The following UPF2 variants were observed in gnomAD, a reference collection of about 807,000 sequenced individuals.
UPF2 encodes the protein UPF2 regulator of nonsense mediated mRNA decay.
UPF2 carries 17 observed loss-of-function variants against 141.4 expected under a neutral mutation model. The observed-to-expected ratio is 0.12, with a 90% CI of 0.08 to 0.18. The LOEUF (loss-of-function observed/expected upper bound fraction) is 0.18. Ranked by LOEUF, UPF2 falls within the 10% of genes least tolerant of loss-of-function variation. UPF2 has a pLI of 1.00. For missense variants in UPF2, 1,152 were observed against 1,515.9 expected, an observed-to-expected ratio of 0.76 and a Z score of 3.99; for synonymous variants, 540 against 498.0, an observed-to-expected ratio of 1.08 and a Z score of -1.12.
At position 11,992,912 on chromosome 10, in the gene UPF2, G is replaced by C. The variant is rs907537788; in HGVS notation, c.1844+4760C>G. ...ACTTGTAATCCCAGCACTTTGGGAG[G>C]CCAAGGCGAGTGAATCACTTGCGGT... On this transcript the variant is annotated intron_variant, in intron 8 of 21. Coordinates refer to ENST00000357604, the MANE Select transcript of UPF2 (RefSeq NM_015542.4). The surrounding 1 kb of genome is among the most constrained non-coding windows in gnomAD (Gnocchi z 4.1). Among the ~76,000 whole-genome samples, 3 of 152,148 alleles carry C rather than the reference G, an allele frequency of 2.0e-5. No homozygotes were observed. Among genetic ancestry groups the C allele is most frequent in the African/African-American group, 7.2e-5 (3 of 41,440 alleles).
intron 6 of UPF2, among the ~76,000 whole-genome samples, chr10:12,000,916 A>C (rs1833940930): frequency 1.3e-5 from 2 of 152,232 alleles, no homozygotes; most frequent in African/African-American, 4.8e-5. Context: ...ACTCAATTAT[A>C]AAGACAGACA....
In UPF2 at chr10:11,921,093, C is replaced by T. The variant is rs765795120; in HGVS notation, c.*205G>A. The T allele has an allele frequency of 5.1e-6, 4 of 789,102 alleles. No homozygotes were observed. Among genetic ancestry groups the T allele is most frequent in the East Asian group, 2.5e-5 (1 of 40,660 alleles). 48.9% of individuals were successfully genotyped at this position (789,102 alleles called of 1,614,324 possible). On this transcript the variant is annotated 3_prime_UTR_variant, in exon 22 of 22. Coordinates refer to ENST00000357604, the MANE Select transcript of UPF2 (RefSeq NM_015542.4). This position sits in a 1 kb window ranked among gnomAD's most constrained non-coding sequence, Gnocchi z 5.9. ...GATTTCCATTACAAAAGGCCTTTTC[C>T]GCCTTGTCTGGAAGCGTCGGCTTGT...
At chr10:12,041,258 T>C (rs1035404903) in intron 1 of UPF2, among the ~76,000 whole-genome samples, 4 of 152,218 alleles carry the variant, frequency 2.6e-5, no homozygotes, top group African/African-American at 9.6e-5. Flanking sequence ...AAATAGGTCC[T>C]TTCTCAAGAT....
chr10:11,949,155 C>A (rs1157135681), intron 15 of UPF2, among the ~76,000 whole-genome samples: 1 of 152,178 alleles, frequency 6.6e-6, no homozygotes, highest in Non-Finnish European at 1.5e-5. Context: ...CCAGTCAATT[C>A]TTCTTCCTGT....
At chr10:11,950,260 G>A (rs934036724) in intron 15 of UPF2, among the ~76,000 whole-genome samples, 2 of 151,890 alleles carry the variant, frequency 1.3e-5, no homozygotes, top group African/African-American at 4.8e-5. Context: ...GTTAACATTG[G>A]GATACTATAA....
intron 4 of UPF2, among the ~76,000 whole-genome samples, chr10:12,006,321 T>C (rs1834034560): frequency 6.6e-6 from 1 of 152,248 alleles, no homozygotes; most frequent in Non-Finnish European, 1.5e-5. Flanking sequence ...CTATAGATCA[T>C]AAACTCAGAA....
chr10:11,941,844 T>C (rs1832940254), intron 18 of UPF2, among the ~76,000 whole-genome samples: 1 of 152,232 alleles, frequency 6.6e-6, no homozygotes, highest in South Asian at 2.1e-4. Context: ...TTACTTGAAA[T>C]TACTGTGGCA....
At chr10:11,967,544 CAG>C in intron 9 of UPF2, 90 bp from the exon 10 acceptor site, 4 of 464,664 alleles carry the variant, frequency 8.6e-6, no homozygotes, top group Non-Finnish European at 1.4e-5. Flanking sequence ...GAATTCACTC[CAG>C]TTTTTTTTTT....
At chr10:11,947,847 T>A (rs1027857769) in intron 16 of UPF2, among the ~76,000 whole-genome samples, 6 of 151,290 alleles carry the variant, frequency 4.0e-5, no homozygotes, top group Admixed American at 2.6e-4. Context: ...AATTGCTTAT[T>A]AAATAAAAAT....
In UPF2 at chr10:11,967,391, G is replaced by C. The variant is rs750809458; in HGVS notation, c.2017C>G (p.Leu673Val). ...TTGGTGAACATCTTAAACTTAGTTA[G>C]TTCTCCTATAAAACGAACAGTTTTA... ...KNKTVRFIGE[L>V]TKFKMFTKND... Residue 673 changes from leucine to valine, a missense_variant, in exon 10 of 22, where the codon CTA becomes GTA. Leu to Val is a conservative substitution (Grantham distance 32). Coordinates refer to ENST00000357604, the MANE Select transcript of UPF2 (RefSeq NM_015542.4). The C allele has an allele frequency of 9.4e-6, 15 of 1,591,388 alleles. No individual in the cohort carries two copies. The highest frequency in any genetic ancestry group is 1.2e-5 in the Non-Finnish European group (14 of 1,172,922).
intron 9 of UPF2, among the ~76,000 whole-genome samples, chr10:11,978,080 T>C (rs1194837745): frequency 2.6e-5 from 4 of 152,232 alleles, no homozygotes; most frequent in African/African-American, 7.2e-5. Context: ...CAATTCACCA[T>C]GCAATTCCTT....
chr10:11,955,608 G>A, intron 13 of UPF2, 101 bp from the exon 14 acceptor site: 1 of 1,153,192 alleles, frequency 8.7e-7, no homozygotes, highest in Non-Finnish European at 1.2e-6. Flanking sequence ...ATTACTGAAA[G>A]AACACTGAAT....
intron 1 of UPF2, among the ~76,000 whole-genome samples, chr10:12,040,313 T>A (rs1834713463): frequency 6.6e-6 from 1 of 152,036 alleles, no homozygotes; most frequent in African/African-American, 2.4e-5. Context: ...TCCCAGCTAC[T>A]CAGGAGGCTG....
At chr10:11,989,287 T>G (rs1247464795) in intron 8 of UPF2, among the ~76,000 whole-genome samples, 7 of 152,162 alleles carry the variant, frequency 4.6e-5, no homozygotes, top group Non-Finnish European at 8.8e-5. Context: ...GAAATCTACT[T>G]GAACAAATTA....
chr10:11,999,007 A>G (rs1035913715), intron 7 of UPF2, among the ~76,000 whole-genome samples: 1 of 147,784 alleles, frequency 6.8e-6, no homozygotes, highest in Non-Finnish European at 1.5e-5. Flanking sequence ...ACCGGGCAAC[A>G]GAGCAAGACT....
intron 21 of UPF2, among the ~76,000 whole-genome samples, chr10:11,926,234 A>G (rs1832711170): frequency 6.6e-6 from 1 of 152,216 alleles, no homozygotes; most frequent in Non-Finnish European, 1.5e-5. Context: ...TTTTGTGGAC[A>G]AGAGGGCAGA....
At chr10:12,005,904 G>A (rs931842219) in intron 4 of UPF2, among the ~76,000 whole-genome samples, 7 of 151,482 alleles carry the variant, frequency 4.6e-5, no homozygotes, top group African/African-American at 1.5e-4. Flanking sequence ...AATTGAGACA[G>A]GGTCTCACTC....
rs1370879170 is a variant in UPF2 at position 11,931,878 on chromosome 10, C to T, written c.3547-96G>A. 29 of 1,372,648 alleles carry T rather than the reference C, an allele frequency of 2.1e-5. No homozygotes were observed. Among genetic ancestry groups the T allele is most frequent in the East Asian group, 7.3e-5 (3 of 40,934 alleles). 85.0% of individuals were successfully genotyped at this position (1,372,648 alleles called of 1,614,324 possible). A position where few individuals can be genotyped will look rare whatever the true frequency, so the allele number is the denominator to read the frequency against. On this transcript the variant is annotated intron_variant, in intron 19 of 21. Transcript: ENST00000357604. The surrounding 1 kb of genome is among the most constrained non-coding windows in gnomAD (Gnocchi z 5.9). Reference sequence around the variant, plus strand: ...TAAAATAGCAAGTACAGGCTGGGCACGGTGGCTCACGCCTGTAATCCCAGC... The same window carrying T: ...TAAAATAGCAAGTACAGGCTGGGCATGGTGGCTCACGCCTGTAATCCCAGC...
At chr10:12,038,521 G>A (rs1202428699) in intron 1 of UPF2, among the ~76,000 whole-genome samples, 1 of 151,956 alleles carries the variant, frequency 6.6e-6, no homozygotes. Flanking sequence ...TTGAGGTCAT[G>A]AGTTCAAGAC....
Sources: gnomAD v4.1 joint callset for allele counts (sites outside exome capture counted in the v4.1 genomes callset) on GRCh38, gnomAD v4.1.1 for gene constraint, Gnocchi (gnomAD v3.1) non-coding constraint, MANE v1.5 for transcripts, NCBI Gene and HGNC (gene_info 2026-07-23, HGNC 2026-07-21) for gene names.